ECPAS: variants seen among roughly 807,000 people sequenced by gnomAD.
ECPAS encodes the protein Ecm29 proteasome adaptor and scaffold, also known as proteasome adapter and scaffold protein ECM29.
ECPAS carries 70 observed loss-of-function variants against 255.1 expected under a neutral mutation model. The observed-to-expected ratio is 0.27, with a 90% CI of 0.23 to 0.33. The LOEUF (loss-of-function observed/expected upper bound fraction) is 0.33, where lower values mean the gene tolerates loss of function less well. Ranked by LOEUF, ECPAS falls within the 10% of genes least tolerant of loss-of-function variation. ECPAS has a pLI of 1.00. For synonymous variants in ECPAS, 784 were observed against 775.0 expected (o/e 1.01, Z -0.19); for missense variants, 1,817 against 2,206.4 (o/e 0.82, Z 3.54).
chr9:111,484,096 C>T lies in ECPAS; in HGVS notation c.-83+20G>A, dbSNP rs766317063. 374 of 1,320,594 alleles carry T rather than the reference C, an allele frequency of 2.8e-4. 2 individuals are homozygous for T. The African/African-American group carries it at 3.8e-3, about 13-fold the overall frequency. 81.8% of individuals were successfully genotyped at this position (1,320,594 alleles called of 1,614,324 possible). ...CGCGCGCAGGGCCAGTCCCCCGCGG[C>T]CCGGGGGCGGGCCTCTGACCTGAGT... On this transcript the variant is annotated intron_variant, in intron 1 of 49. Coordinates refer to ENST00000684092, the MANE Select transcript of ECPAS (RefSeq NM_001364929.1).
At chr9:111,389,528 C>CTACAGTGTTTT in intron 31 of ECPAS, 28 bp downstream of exon 31, 2 of 1,600,068 alleles carry the variant, frequency 1.2e-6, no homozygotes, top group South Asian at 1.1e-5. Context: ...ACAGTGTTTT[C>CTACAGTGTTTT]CTAACACAGG....
chr9:111,414,826 G>T (rs1325891681), intron 18 of ECPAS, among the ~76,000 whole-genome samples, 175 bp from the exon 19 acceptor site: 1 of 152,134 alleles, frequency 6.6e-6, no homozygotes, highest in East Asian at 1.9e-4. Flanking sequence ...TGTATAATAA[G>T]GTTTGCAAAT....
In ECPAS at chr9:111,473,796, G is replaced by A. The variant is rs146028405; in HGVS notation, c.-82-796C>T. Among the ~76,000 whole-genome samples, 69 of 152,112 alleles carry A rather than the reference G, an allele frequency of 4.5e-4. 1 individual carries two copies. The highest frequency in any genetic ancestry group is 2.3e-3 in the East Asian group (12 of 5,170). ...AGCCTGGGCAACATAGCCAAACCCCGTCTCTACAGAAAATACAAAAATTAG... is the reference window on the plus strand; with the variant it reads ...AGCCTGGGCAACATAGCCAAACCCCATCTCTACAGAAAATACAAAAATTAG... On this transcript the variant is annotated intron_variant, in intron 1 of 49. Transcript: ENST00000684092.
intron 2 of ECPAS, among the ~76,000 whole-genome samples, chr9:111,464,807 A>G (rs1243526824): frequency 6.6e-6 from 1 of 152,154 alleles, no homozygotes; most frequent in Admixed American, 6.5e-5. Context: ...GAAAGAGAGG[A>G]AAAAAGGGAA....
In ECPAS at chr9:111,389,562, T is replaced by A; in HGVS notation, c.3441A>T (p.Lys1147Asn). The change falls in exon 31 of 50, where the codon AAA becomes AAT. Residue 1147 changes from lysine (K) to asparagine (N), a missense_variant. Coordinates refer to ENST00000684092, the MANE Select transcript of ECPAS (RefSeq NM_001364929.1). The stretch of plus-strand genomic sequence containing the variant: ...GGGGTTCACAGACACTTACCATGGA[T>A]TTGTCAGTGACCAACGCATTCCAAA... ...TSIWNALVTD[K>N]SMVDKYLKEI... 6.2e-7 allele frequency: 1 copy of A among 1,612,850 alleles called. No homozygotes were observed. The highest frequency in any genetic ancestry group is 8.5e-7 in the Non-Finnish European group (1 of 1,179,192).
intron 49 of ECPAS, 46 bp downstream of exon 49, chr9:111,363,542 G>T: frequency 1.8e-6 from 2 of 1,141,342 alleles, no homozygotes; most frequent in Non-Finnish European, 2.6e-6. Context: ...TAAAACATAT[G>T]CCACATGGCT....
At chr9:111,380,651 G>T (rs1360607524) in intron 35 of ECPAS, among the ~76,000 whole-genome samples, 1 of 152,176 alleles carries the variant, frequency 6.6e-6, no homozygotes, top group Non-Finnish European at 1.5e-5. Flanking sequence ...GGTATCTTTT[G>T]CCAACAAAAG....
chr9:111,483,581 G>T (rs997412950), intron 1 of ECPAS: 2 of 220,662 alleles, frequency 9.1e-6, no homozygotes, highest in Non-Finnish European at 1.5e-5. Context: ...GGCTGGGGGG[G>T]CAGGGCGCGG....
Position 111,373,366 on chromosome 9 carries a change from C to T in ECPAS, c.4218G>A (p.Arg1406=). Residue 1406 remains arginine (R), a synonymous_variant, in exon 40 of 50, where the codon CGG becomes CGA. Coordinates refer to ENST00000684092, the MANE Select transcript of ECPAS (RefSeq NM_001364929.1). ...CACAAGATTTCTGAATCACACTGTT[C>T]CGATCTGTCAGGCCACTCAGCAAAG... ...MSALLSGLTD[R]NSVIQKSCAF... is the part of the protein sequence containing the mutation. The T allele has an allele frequency of 1.2e-6, 2 of 1,613,866 alleles. No individual in the cohort carries two copies. The highest frequency in any genetic ancestry group is 1.7e-6 in the Non-Finnish European group (2 of 1,179,816).
intron 34 of ECPAS, among the ~76,000 whole-genome samples, 184 bp downstream of exon 34, chr9:111,384,338 C>G (rs756323669): frequency 6.6e-6 from 1 of 152,204 alleles, no homozygotes; most frequent in Non-Finnish European, 1.5e-5. Flanking sequence ...ATACTCTGTT[C>G]AACACACTAG....
chr9:111,457,200 A>G (rs1168293315), intron 2 of ECPAS, among the ~76,000 whole-genome samples: 2 of 152,232 alleles, frequency 1.3e-5, no homozygotes, highest in African/African-American at 4.8e-5. Context: ...CAGACTGTAC[A>G]GGGTAGAGGA....
chr9:111,433,826 CA>C (rs1228800528), intron 7 of ECPAS, among the ~76,000 whole-genome samples: 1 of 151,982 alleles, frequency 6.6e-6, no homozygotes, highest in Non-Finnish European at 1.5e-5. Flanking sequence ...TCTGACAGTT[CA>C]AAAAAGAACT....
Position 111,370,636 on chromosome 9 carries a change from T to A in ECPAS, c.4782-9A>T. 5 of 1,609,406 alleles carry A rather than the reference T, an allele frequency of 3.1e-6. No homozygotes were observed. Among genetic ancestry groups the A allele is most frequent in the Non-Finnish European group, 4.2e-6 (5 of 1,177,672 alleles). On this transcript the variant is annotated splice_polypyrimidine_tract_variant and intron_variant, in intron 44 of 49. Coordinates refer to ENST00000684092, the MANE Select transcript of ECPAS (RefSeq NM_001364929.1). ...ACTTTTCCAGCTCTGCACTACAGGG[T>A]CCATACAAAAGCATCAGAAGTTAAT...
chr9:111,428,183 A>AT (rs1029552157), intron 9 of ECPAS, 22 bp from the exon 10 acceptor site: 1 of 1,594,468 alleles, frequency 6.3e-7, no homozygotes, highest in Non-Finnish European at 8.5e-7. Context: ...ATGCTTGATT[A>AT]TAACTCAGCA....
intron 6 of ECPAS, among the ~76,000 whole-genome samples, chr9:111,437,692 A>G (rs1301110746): frequency 6.6e-6 from 1 of 152,042 alleles, no homozygotes; most frequent in Non-Finnish European, 1.5e-5. Context: ...CCCAAAGAAG[A>G]AAAGTTACAC....
At chr9:111,451,375 A>G (rs899011459) in intron 3 of ECPAS, 50 bp downstream of exon 3, 9 of 1,514,300 alleles carry the variant, frequency 5.9e-6, no homozygotes, top group African/African-American at 4.2e-5. Context: ...TTGATAATGT[A>G]TATTCATTTA....
At chr9:111,419,059 G>A (rs1239369451) in intron 16 of ECPAS, among the ~76,000 whole-genome samples, 3 of 152,116 alleles carry the variant, frequency 2.0e-5, no homozygotes, top group Admixed American at 2.0e-4. Context: ...ACAACTTATA[G>A]TAAAGAAAAT....
intron 24 of ECPAS, among the ~76,000 whole-genome samples, chr9:111,399,255 T>A (rs1330728601): frequency 3.3e-5 from 5 of 152,018 alleles, no homozygotes; most frequent in African/African-American, 4.8e-5. Flanking sequence ...AACATCAAAC[T>A]GAACTATCCA....
intron 9 of ECPAS, among the ~76,000 whole-genome samples, chr9:111,430,300 G>GA (rs1455509212): frequency 6.6e-6 from 1 of 152,108 alleles, no homozygotes; most frequent in Non-Finnish European, 1.5e-5. Context: ...AAAATTTACA[G>GA]AAAAAATTTG....
Sources: gnomAD v4.1 joint callset for allele counts (sites outside exome capture counted in the v4.1 genomes callset) on GRCh38, gnomAD v4.1.1 for gene constraint, MANE v1.5 for transcripts, NCBI Gene and HGNC (gene_info 2026-07-23, HGNC 2026-07-21) for gene names.